The following KLHL2 variants were observed in gnomAD, a reference collection of about 807,000 sequenced individuals.
KLHL2 encodes kelch like family member 2, also known as kelch-like protein 2.
Under a neutral mutation model 75.8 loss-of-function variants are expected in KLHL2, and 15 were observed. The ratio of observed to expected loss-of-function variants is 0.20; its 90% CI spans 0.13 to 0.30. The LOEUF is 0.30. Ranked by LOEUF, KLHL2 falls within the 10% of genes least tolerant of loss-of-function variation. KLHL2 has a pLI of 1.00. For missense variants in KLHL2, 381 were observed against 741.0 expected, an observed-to-expected ratio of 0.51 and a Z score of 5.64; for synonymous variants, 214 against 251.9, an observed-to-expected ratio of 0.85 and a Z score of 1.42.
At chr4:165,297,770 A>C in intron 7 of KLHL2, 45 bp downstream of exon 7, 1 of 1,101,006 alleles carries the variant, frequency 9.1e-7, no homozygotes, top group Non-Finnish European at 1.4e-6. Flanking sequence ...GCACTGTGTC[A>C]CTGGCCTGAC....
At chr4:165,279,967 C>G (rs901867438) in intron 5 of KLHL2, among the ~76,000 whole-genome samples, 1 of 152,208 alleles carries the variant, frequency 6.6e-6, no homozygotes, top group African/African-American at 2.4e-5. Context: ...ATCATCTTCC[C>G]CCCACAAACC....
At chr4:165,321,842 A>G (rs1282995417) in intron 14 of KLHL2, among the ~76,000 whole-genome samples, 190 bp from the exon 15 acceptor site, 1 of 152,244 alleles carries the variant, frequency 6.6e-6, no homozygotes, top group Non-Finnish European at 1.5e-5. Context: ...TAACTAGCCC[A>G]TAACTAAACA....
chr4:165,314,747 T>G (rs1746473053), intron 13 of KLHL2, among the ~76,000 whole-genome samples: 1 of 152,106 alleles, frequency 6.6e-6, no homozygotes, highest in East Asian at 1.9e-4. Context: ...ATTAGGGAAC[T>G]AACCACTTAA....
intron 4 of KLHL2, among the ~76,000 whole-genome samples, chr4:165,260,577 T>TG (rs549742797): frequency 0.012 from 1,815 of 148,234 alleles, 24 homozygotes; most frequent in African/African-American, 0.031. Context: ...TGTGTGTGTG[T>TG]GGGGGGGGTG....
At chr4:165,301,809 C>T (rs1049597950) in intron 8 of KLHL2, among the ~76,000 whole-genome samples, 5 of 152,074 alleles carry the variant, frequency 3.3e-5, no homozygotes, top group African/African-American at 1.2e-4. Flanking sequence ...TATATTCCTT[C>T]CTCTAGCATC....
chr4:165,274,336 G>A lies in KLHL2; in HGVS notation c.544+10977G>A, dbSNP rs976374267. ...TAAGAAGAGCACTCTCGGGCTGGGC[G>A]CAGTGGCTCATGCCTGTAATCCCAG... On this transcript the variant is annotated intron_variant, in intron 5 of 14. Transcript: ENST00000226725. 8.5e-5 allele frequency among the ~76,000 whole-genome samples: 13 copies of A among 152,180 alleles called. 1 individual carries two copies. The highest frequency in any genetic ancestry group is 2.1e-4 in the South Asian group (1 of 4,824).
At chr4:165,225,499 T>G (rs1347837369) in intron 2 of KLHL2, among the ~76,000 whole-genome samples, 1 of 152,188 alleles carries the variant, frequency 6.6e-6, no homozygotes, top group Admixed American at 6.5e-5. Context: ...TTTCCTACAG[T>G]TTATTCCCTC....
At position 165,318,708 on chromosome 4, in the gene KLHL2, A is replaced by G. The variant is rs191603400; in HGVS notation, c.1753+739A>G. ...TGAGGTATAAACTGACAGAATACATAGCGTACAGTTGACCCTTGGACAACA... is the reference window on the plus strand; with the variant it reads ...TGAGGTATAAACTGACAGAATACATGGCGTACAGTTGACCCTTGGACAACA... On this transcript the variant is annotated intron_variant, in intron 14 of 14. Transcript: ENST00000226725. Among the ~76,000 whole-genome samples the G allele has an allele frequency of 2.0e-5, 3 of 152,270 alleles. No homozygotes were observed. In the East Asian group the frequency reaches 5.8e-4, roughly 29 times the overall value.
intron 10 of KLHL2, among the ~76,000 whole-genome samples, chr4:165,311,233 T>C (rs1179569460): frequency 6.6e-6 from 1 of 152,212 alleles, no homozygotes; most frequent in Non-Finnish European, 1.5e-5. Flanking sequence ...TTCTTTCTTA[T>C]GCATCAGTAT....
At chr4:165,295,546 A>G (rs1744844715) in intron 6 of KLHL2, among the ~76,000 whole-genome samples, 1 of 152,210 alleles carries the variant, frequency 6.6e-6, no homozygotes, top group Non-Finnish European at 1.5e-5. Context: ...CAGCCAGTAG[A>G]GTAAATAATT....
At chr4:165,226,850 T>C (rs948861575) in intron 2 of KLHL2, among the ~76,000 whole-genome samples, 2 of 152,216 alleles carry the variant, frequency 1.3e-5, no homozygotes, top group African/African-American at 4.8e-5. Flanking sequence ...AGTCAGCCTG[T>C]GGATTCGAAT....
intron 5 of KLHL2, among the ~76,000 whole-genome samples, chr4:165,283,201 C>T (rs1225524789): frequency 6.6e-6 from 1 of 152,134 alleles, no homozygotes; most frequent in Non-Finnish European, 1.5e-5. Flanking sequence ...CACCTCTGGC[C>T]CCTCCCAAAT....
chr4:165,291,265 C>T (rs770003746), intron 5 of KLHL2, among the ~76,000 whole-genome samples: 2 of 151,988 alleles, frequency 1.3e-5, no homozygotes, highest in African/African-American at 4.8e-5. Flanking sequence ...AAAGATTTTC[C>T]CCCAGTCTGT....
intron 4 of KLHL2, among the ~76,000 whole-genome samples, chr4:165,249,947 A>AC (rs1289856607): frequency 6.6e-6 from 1 of 151,914 alleles, no homozygotes; most frequent in Non-Finnish European, 1.5e-5. Flanking sequence ...ACACGGTGAA[A>AC]CCCCGTCTCT....
chr4:165,244,983 G>A (rs1198545095), intron 4 of KLHL2, among the ~76,000 whole-genome samples: 4 of 152,042 alleles, frequency 2.6e-5, no homozygotes, highest in East Asian at 1.9e-4. Context: ...CAAGGGAGGC[G>A]GATCACCTGA....
chr4:165,223,276 A>G (rs1201015726), intron 2 of KLHL2, among the ~76,000 whole-genome samples: 1 of 152,248 alleles, frequency 6.6e-6, no homozygotes, highest in Non-Finnish European at 1.5e-5. Context: ...GACTTAGGCC[A>G]TGCCCTCTGA....
chr4:165,209,824 C>T (rs773255830), intron 1 of KLHL2: 18 of 294,414 alleles, frequency 6.1e-5, no homozygotes, highest in African/African-American at 2.4e-4. Flanking sequence ...TCATTTGGTT[C>T]TGTCCAGGAT....
rs374005034 is a variant in KLHL2, at chr4:165,311,490, A to G, written c.1264A>G (p.Ile422Val). 35 of 1,613,390 alleles carry G rather than the reference A, an allele frequency of 2.2e-5. No homozygotes were observed. The highest frequency in any genetic ancestry group is 2.9e-5 in the Non-Finnish European group (34 of 1,179,556). Residue 422 changes from isoleucine to valine, a missense_variant, in exon 11 of 15, where the codon ATA (isoleucine) becomes GTA (valine). Ile to Val is a conservative substitution (Grantham distance 29). Transcript: ENST00000226725. ...TTTGTCATCTGTGGAAGCATACAAC[A>G]TAAAGTCTAATGAGTGGTTTCATGT... ...TGLSSVEAYNIKSNEWFHVAP... is the reference protein window; with the variant it reads ...TGLSSVEAYNVKSNEWFHVAP...
At chr4:165,238,730 C>G in intron 3 of KLHL2, 48 bp from the exon 4 acceptor site, 1 of 1,609,558 alleles carries the variant, frequency 6.2e-7, no homozygotes, top group Non-Finnish European at 8.5e-7. Context: ...TTGGAACTTC[C>G]ACAGCAGTGT....
Sources: allele counts gnomAD v4.1 joint callset (sites outside exome capture counted in the v4.1 genomes callset), GRCh38; gene constraint gnomAD v4.1.1; transcripts MANE v1.5; gene names NCBI Gene and HGNC (gene_info 2026-07-23, HGNC 2026-07-21).